NTRK3: variants seen among roughly 807,000 people sequenced by gnomAD.
NTRK3 encodes the protein NT-3 growth factor receptor.
A neutral mutation model predicts 91.7 loss-of-function variants in NTRK3; 24 were observed. The observed-to-expected ratio is 0.26, with a 90% CI of 0.19 to 0.37. NTRK3 has a LOEUF of 0.37. NTRK3 is among the 10% of genes least tolerant of loss of function. The pLI is 1.00. For missense variants in NTRK3, 880 were observed against 1,068.9 expected (o/e 0.82, Z 2.46); for synonymous variants, 483 against 404.0 (o/e 1.20, Z -2.34).
At chr15:88,172,003 G>C (rs2151512291) in intron 5 of NTRK3, among the ~76,000 whole-genome samples, 1 of 152,344 alleles carries the variant, frequency 6.6e-6, no homozygotes, top group South Asian at 2.1e-4. Flanking sequence ...CATCTTGGGA[G>C]ACCCTGTCTG....
In NTRK3 at chr15:87,981,510, T is replaced by C. The variant is rs528908449; in HGVS notation, c.1586-40757A>G. On this transcript the variant is annotated intron_variant, in intron 14 of 18. Coordinates refer to ENST00000394480, the Ensembl canonical transcript of NTRK3. ...TGTACCCACTCTGCTGTGCCTGTAGTGGCAGCTGGTTTATTTTACGCATAA... is the reference window on the plus strand; with the variant it reads ...TGTACCCACTCTGCTGTGCCTGTAGCGGCAGCTGGTTTATTTTACGCATAA... 2.8e-4 allele frequency: 278 copies of C among 992,574 alleles called. 1 individual carries two copies. The East Asian group carries it at 6.5e-3, about 23-fold the overall frequency. 61.5% of individuals were successfully genotyped at this position (992,574 alleles called of 1,614,324 possible). A position where few individuals can be genotyped will look rare whatever the true frequency, so the allele number is the denominator to read the frequency against.
intron 15 of NTRK3, among the ~76,000 whole-genome samples, chr15:87,937,345 A>G (rs2069391053): frequency 6.6e-6 from 1 of 152,246 alleles, no homozygotes; most frequent in African/African-American, 2.4e-5. Flanking sequence ...TATGGAAGCT[A>G]GGATGAATGC....
intron 14 of NTRK3, among the ~76,000 whole-genome samples, chr15:88,002,303 G>T (rs2076167369): frequency 6.9e-6 from 1 of 144,830 alleles, no homozygotes. Context: ...AATCTCAAAA[G>T]AAAGACATAA....
exon 19 of NTRK3, chr15:87,863,108 A>G (rs1342229669): frequency 8.7e-6 from 2 of 231,072 alleles, no homozygotes; most frequent in African/African-American, 2.2e-5. Flanking sequence ...ATGCCCTTCA[A>G]ATGAAGTCTA....
intron 5 of NTRK3, among the ~76,000 whole-genome samples, chr15:88,173,118 G>A (rs1182707357): frequency 2.6e-5 from 4 of 152,144 alleles, no homozygotes. Context: ...ATTTAAAAGA[G>A]GACAATAAAG....
chr15:87,923,339 A>G (rs1044638144), intron 17 of NTRK3, among the ~76,000 whole-genome samples: 1 of 152,212 alleles, frequency 6.6e-6, no homozygotes, highest in Non-Finnish European at 1.5e-5. Context: ...GGCCAGGTCT[A>G]TTAACAACAT....
chr15:87,900,907 G>T (rs746406732), intron 17 of NTRK3, among the ~76,000 whole-genome samples: 4 of 152,104 alleles, frequency 2.6e-5, no homozygotes, highest in Non-Finnish European at 4.4e-5. Context: ...TTCCAAAAGG[G>T]GATGATTTGG....
intron 13 of NTRK3, among the ~76,000 whole-genome samples, chr15:88,048,660 C>G (rs2080485688): frequency 6.6e-6 from 1 of 152,136 alleles, no homozygotes; most frequent in Non-Finnish European, 1.5e-5. Context: ...CCCTCCTTTT[C>G]CTGCATTCTA....
intron 17 of NTRK3, among the ~76,000 whole-genome samples, chr15:87,907,675 G>A (rs924933693): frequency 6.6e-6 from 1 of 152,108 alleles, no homozygotes; most frequent in Non-Finnish European, 1.5e-5. Context: ...GTCTGGGATG[G>A]ATCTTTAAGG....
At chr15:87,881,882 G>C (rs567272981) in intron 17 of NTRK3, among the ~76,000 whole-genome samples, 1 of 152,020 alleles carries the variant, frequency 6.6e-6, no homozygotes, top group South Asian at 2.1e-4. Flanking sequence ...CAAGTTTGCA[G>C]AGCAGTTCTT....
At chr15:87,923,180 G>A (rs2068015747) in intron 17 of NTRK3, among the ~76,000 whole-genome samples, 1 of 152,156 alleles carries the variant, frequency 6.6e-6, no homozygotes, top group Non-Finnish European at 1.5e-5. Flanking sequence ...CTTAACTCTG[G>A]CAGAGATTGC....
chr15:87,980,760 C>T (rs967219156), intron 14 of NTRK3, among the ~76,000 whole-genome samples: 1 of 152,156 alleles, frequency 6.6e-6, no homozygotes, highest in Non-Finnish European at 1.5e-5. Context: ...TGCTGGGACC[C>T]CTTCCTCTGA....
chr15:87,951,872 A>G (rs2071139230), intron 14 of NTRK3, among the ~76,000 whole-genome samples: 1 of 152,178 alleles, frequency 6.6e-6, no homozygotes, highest in African/African-American at 2.4e-5. Flanking sequence ...CACACCTGTA[A>G]TCCCAGCACT....
At chr15:88,120,809 ACAAGT>A (rs1745769919) in intron 13 of NTRK3, among the ~76,000 whole-genome samples, 1 of 152,224 alleles carries the variant, frequency 6.6e-6, no homozygotes, top group African/African-American at 2.4e-5. Flanking sequence ...GGTTCTCTGC[ACAAGT>A]CAAGTATGTG....
chr15:88,197,002 GT>G (rs2047880266), intron 3 of NTRK3, among the ~76,000 whole-genome samples: 2 of 143,002 alleles, frequency 1.4e-5, no homozygotes, highest in Non-Finnish European at 3.0e-5. Context: ...AGCAGAGATG[GT>G]CAGTCAATTT....
At chr15:88,164,519 C>T (rs1328299875) in intron 5 of NTRK3, among the ~76,000 whole-genome samples, 1 of 152,192 alleles carries the variant, frequency 6.6e-6, no homozygotes, top group Non-Finnish European at 1.5e-5. Flanking sequence ...GTACATCTGA[C>T]AGCTATCTTT....
chr15:88,207,531 AT>A (rs1257100486), intron 3 of NTRK3, among the ~76,000 whole-genome samples: 2 of 152,226 alleles, frequency 1.3e-5, no homozygotes, highest in Non-Finnish European at 2.9e-5. Context: ...CTGTGGCCTC[AT>A]CCAGTCACAG....
At chr15:88,123,695 T>A (rs2052978835) in intron 13 of NTRK3, among the ~76,000 whole-genome samples, 1 of 152,176 alleles carries the variant, frequency 6.6e-6, no homozygotes. Flanking sequence ...GTACATTAGT[T>A]CCGACCAGAA....
chr15:88,041,721 T>C (rs1373148243), intron 13 of NTRK3, among the ~76,000 whole-genome samples: 1 of 151,728 alleles, frequency 6.6e-6, no homozygotes, highest in Non-Finnish European at 1.5e-5. Flanking sequence ...GTGGGGGTGC[T>C]GTCTATCACA....
Sources: gnomAD v4.1 joint callset for allele counts (sites outside exome capture counted in the v4.1 genomes callset) on GRCh38, gnomAD v4.1.1 for gene constraint, MANE v1.5 for transcripts, NCBI Gene and HGNC (gene_info 2026-07-23, HGNC 2026-07-21) for gene names.